The following ZHX2 variants were observed in gnomAD, a reference collection of about 807,000 sequenced individuals.
ZHX2 encodes the protein zinc fingers and homeoboxes 2.
Under a neutral mutation model 21.9 loss-of-function variants are expected in ZHX2, and 6 were observed. The observed-to-expected ratio is 0.27, with a 90% CI of 0.15 to 0.54. The LOEUF is 0.54. Among genes scored for constraint, ZHX2 ranks in the 20% least tolerant of loss-of-function variants. The pLI, the probability that ZHX2 is intolerant of heterozygous loss-of-function variation, is 0.95. For synonymous variants in ZHX2, 434 were observed against 437.1 expected, an observed-to-expected ratio of 0.99 and a Z score of 0.09; for missense variants, 908 against 1,090.7, an observed-to-expected ratio of 0.83 and a Z score of 2.36.
intron 1 of ZHX2, among the ~76,000 whole-genome samples, chr8:122,858,574 G>T (rs961332115): frequency 2.6e-5 from 4 of 151,796 alleles, no homozygotes; most frequent in Non-Finnish European, 5.9e-5. Context: ...GTGTGTGCCT[G>T]TGGAGCTCAG....
intron 1 of ZHX2, among the ~76,000 whole-genome samples, chr8:122,790,730 C>T (rs1817498853): frequency 6.6e-6 from 1 of 152,276 alleles, no homozygotes; most frequent in East Asian, 1.9e-4. Flanking sequence ...GCCTCAGTCT[C>T]CCGAGTAGCT....
At chr8:122,835,962 GT>G (rs1458501449) in intron 1 of ZHX2, among the ~76,000 whole-genome samples, 1 of 151,948 alleles carries the variant, frequency 6.6e-6, no homozygotes, top group Non-Finnish European at 1.5e-5. Flanking sequence ...GAGGCCTAAG[GT>G]TTTTAGGGTT....
intron 3 of ZHX2, among the ~76,000 whole-genome samples, chr8:122,961,094 A>C (rs1170755277): frequency 5.3e-5 from 8 of 152,198 alleles, no homozygotes; most frequent in Admixed American, 5.2e-4. Context: ...AACAACAGAA[A>C]TTTATTTTCT....
At chr8:122,853,641 C>A (rs903221489) in intron 1 of ZHX2, among the ~76,000 whole-genome samples, 1 of 152,124 alleles carries the variant, frequency 6.6e-6, no homozygotes, top group Non-Finnish European at 1.5e-5. Flanking sequence ...CTCACCCCTC[C>A]GCTCCCCTCC....
chr8:122,927,113 G>A (rs1441059358), intron 2 of ZHX2, among the ~76,000 whole-genome samples: 1 of 152,218 alleles, frequency 6.6e-6, no homozygotes, highest in South Asian at 2.1e-4. Context: ...TCACAAGCTA[G>A]TACAGCACCT....
chr8:122,920,367 T>C (rs2130076301), intron 2 of ZHX2, among the ~76,000 whole-genome samples: 1 of 152,272 alleles, frequency 6.6e-6, no homozygotes, highest in South Asian at 2.1e-4. Context: ...TTTGATACCT[T>C]TGGTACCAAC....
Position 122,952,335 on chromosome 8 carries a change from C to G in ZHX2, c.825C>G (p.Ala275=). ...TKYNSALDTN[A]TMINSFNKFP... is the part of the protein sequence containing the mutation. ...ACAACTCTGCCCTGGATACAAATGC[C>G]ACGATGATCAACTCTTTCAACAAGT... The change falls in exon 3 of 4, where the codon GCC becomes GCG. Residue 275 remains alanine (A), a synonymous_variant. Coordinates refer to ENST00000314393, the MANE Select transcript of ZHX2 (RefSeq NM_014943.5). This position sits in a 1 kb window ranked among gnomAD's most constrained non-coding sequence, Gnocchi z 6.9. 1.2e-6 allele frequency: 2 copies of G among 1,614,178 alleles called. No homozygotes were observed. The highest frequency in any genetic ancestry group is 1.7e-6 in the Non-Finnish European group (2 of 1,180,036).
At chr8:122,903,437 C>A (rs1338881608) in intron 2 of ZHX2, among the ~76,000 whole-genome samples, 2 of 152,170 alleles carry the variant, frequency 1.3e-5, no homozygotes, top group African/African-American at 2.4e-5. Flanking sequence ...AGTAAAAGGA[C>A]CAAATCCTGA....
At chr8:122,970,094 T>C (rs1234738832) in intron 3 of ZHX2, among the ~76,000 whole-genome samples, 2 of 152,118 alleles carry the variant, frequency 1.3e-5, no homozygotes, top group East Asian at 3.9e-4. Flanking sequence ...GAAATGCCTG[T>C]CCGATGGCCT....
intron 1 of ZHX2, among the ~76,000 whole-genome samples, chr8:122,832,781 AG>A (rs1274444672): frequency 6.6e-6 from 1 of 152,102 alleles, no homozygotes; most frequent in Non-Finnish European, 1.5e-5. Flanking sequence ...TCGGGTTTGC[AG>A]GGTAAGAGCT....
chr8:122,928,652 A>G lies in ZHX2; in HGVS notation c.-219-22640A>G, dbSNP rs1008149808. ...GTCATTCGATTCCCGTAATATAGGC[A>G]AGCTGTCAGGATGGCTGGGACTAGT... is the stretch of plus-strand genomic sequence containing the variant. On this transcript the variant is annotated intron_variant, in intron 2 of 3. Coordinates refer to ENST00000314393, the MANE Select transcript of ZHX2 (RefSeq NM_014943.5). Among the ~76,000 whole-genome samples the G allele has an allele frequency of 1.5e-4, 23 of 152,218 alleles. 1 individual carries two copies. Among genetic ancestry groups the G allele is most frequent in the African/African-American group, 5.5e-4 (23 of 41,448 alleles).
At chr8:122,906,676 T>TG (rs1248142479) in intron 2 of ZHX2, among the ~76,000 whole-genome samples, 11 of 147,528 alleles carry the variant, frequency 7.5e-5, no homozygotes, top group Non-Finnish European at 1.5e-4. Flanking sequence ...CTTTTTTTTT[T>TG]TTTTTTTTTT....
At chr8:122,814,643 T>G (rs1817993769) in intron 1 of ZHX2, among the ~76,000 whole-genome samples, 1 of 152,240 alleles carries the variant, frequency 6.6e-6, no homozygotes, top group Non-Finnish European at 1.5e-5. Flanking sequence ...TCTGGCATGA[T>G]GTGTTTGGAT....
chr8:122,956,992 C>T lies in ZHX2; in HGVS notation c.*4+2964C>T, dbSNP rs79633870. Among the ~76,000 whole-genome samples, 1,303 of 152,258 alleles carry T rather than the reference C, an allele frequency of 8.6e-3. 23 individuals carry two copies. Among genetic ancestry groups the T allele is most frequent in the African/African-American group, 0.03 (1,240 of 41,526 alleles). On this transcript the variant is annotated intron_variant, in intron 3 of 3. Transcript: ENST00000314393. ...AGTAATGAGGGAGGGAATGTTAAAACCATACAGAAAACCTTTGGGGAGGAA... is the reference window on the plus strand; with the variant it reads ...AGTAATGAGGGAGGGAATGTTAAAATCATACAGAAAACCTTTGGGGAGGAA...
At chr8:122,882,798 A>G (rs1819744641) in intron 2 of ZHX2, among the ~76,000 whole-genome samples, 1 of 152,164 alleles carries the variant, frequency 6.6e-6, no homozygotes, top group Non-Finnish European at 1.5e-5. Flanking sequence ...CCTAGCCAAC[A>G]TGATGAAACC....
chr8:122,943,940 G>C (rs938360585), intron 2 of ZHX2, among the ~76,000 whole-genome samples: 1 of 152,122 alleles, frequency 6.6e-6, no homozygotes, highest in Non-Finnish European at 1.5e-5. Context: ...CCCAACCTAA[G>C]TTGTTCAGCC....
intron 1 of ZHX2, among the ~76,000 whole-genome samples, chr8:122,799,003 C>T (rs1024409249): frequency 6.6e-6 from 1 of 152,176 alleles, no homozygotes; most frequent in African/African-American, 2.4e-5. Flanking sequence ...GAGGCCCTCT[C>T]TAGGCTGTGA....
At chr8:122,932,521 G>T (rs755566978) in intron 2 of ZHX2, among the ~76,000 whole-genome samples, 10 of 152,232 alleles carry the variant, frequency 6.6e-5, no homozygotes, top group Middle Eastern at 3.4e-3. Context: ...CTCCTTCGTA[G>T]TCAAAACTCC....
At chr8:122,950,939 C>T (rs559347474) in intron 2 of ZHX2, among the ~76,000 whole-genome samples, 3 of 152,150 alleles carry the variant, frequency 2.0e-5, no homozygotes, top group African/African-American at 4.8e-5. Flanking sequence ...ATCTCGCTTC[C>T]GAGGTACCAT....
Sources: gnomAD v4.1 joint callset for allele counts (sites outside exome capture counted in the v4.1 genomes callset) on GRCh38, gnomAD v4.1.1 for gene constraint, Gnocchi (gnomAD v3.1) non-coding constraint, MANE v1.5 for transcripts, NCBI Gene and HGNC (gene_info 2026-07-23, HGNC 2026-07-21) for gene names.